HS3ST2: variants seen among roughly 807,000 people sequenced by gnomAD.
HS3ST2 encodes the protein heparan sulfate glucosamine 3-O-sulfotransferase 2.
Under a neutral mutation model 26.3 loss-of-function variants are expected in HS3ST2, and 17 were observed. The observed-to-expected ratio is 0.65, with a 90% CI of 0.44 to 0.97. The LOEUF (loss-of-function observed/expected upper bound fraction) is 0.97, where lower values mean the gene tolerates loss of function less well. Among genes scored for constraint, HS3ST2 ranks in the 50% least tolerant of loss-of-function variants. HS3ST2 has a pLI of 0.00. For missense variants in HS3ST2, 402 were observed against 501.2 expected, an observed-to-expected ratio of 0.80 and a Z score of 1.89; for synonymous variants, 237 against 219.2, an observed-to-expected ratio of 1.08 and a Z score of -0.72.
At chr16:22,851,423 A>AGAGCCAATAAT (rs1474162540) in intron 1 of HS3ST2, among the ~76,000 whole-genome samples, 2 of 152,370 alleles carry the variant, frequency 1.3e-5, no homozygotes, top group South Asian at 2.1e-4. Context: ...TCAAAATCAA[A>AGAGCCAATAAT]GAGCCAATAA....
intron 1 of HS3ST2, among the ~76,000 whole-genome samples, chr16:22,885,007 A>AT (rs1902041810): frequency 6.6e-6 from 1 of 151,532 alleles, no homozygotes; most frequent in Non-Finnish European, 1.5e-5. Flanking sequence ...CGCCCAGCTA[A>AT]TTTTTTTATT....
chr16:22,827,395 T>TA (rs1269906727), intron 1 of HS3ST2, among the ~76,000 whole-genome samples: 7 of 152,196 alleles, frequency 4.6e-5, no homozygotes, highest in Non-Finnish European at 8.8e-5. Flanking sequence ...TGATCTGACT[T>TA]ACACTCTACA....
intron 1 of HS3ST2, among the ~76,000 whole-genome samples, chr16:22,826,239 C>T (rs752109925): frequency 1.3e-5 from 2 of 152,048 alleles, no homozygotes; most frequent in Non-Finnish European, 2.9e-5. Flanking sequence ...AGAGGAGGGG[C>T]CCCCACCCAG....
chr16:22,863,528 T>C (rs1271785674), intron 1 of HS3ST2, among the ~76,000 whole-genome samples: 1 of 152,250 alleles, frequency 6.6e-6, no homozygotes, highest in African/African-American at 2.4e-5. Flanking sequence ...AATGATTCCG[T>C]CACCCAGAGA....
chr16:22,839,236 G>C (rs569795146), intron 1 of HS3ST2, among the ~76,000 whole-genome samples: 1 of 152,204 alleles, frequency 6.6e-6, no homozygotes, highest in Non-Finnish European at 1.5e-5. Context: ...CACCAGACGG[G>C]ATGGGGCAGG....
intron 1 of HS3ST2, among the ~76,000 whole-genome samples, chr16:22,844,039 A>G (rs867992697): frequency 2.7e-5 from 4 of 146,854 alleles, no homozygotes; most frequent in South Asian, 2.1e-4. Flanking sequence ...ACACACACGC[A>G]CACACACACA....
chr16:22,904,309 T>C (rs929199804), intron 1 of HS3ST2, among the ~76,000 whole-genome samples: 3 of 152,162 alleles, frequency 2.0e-5, no homozygotes, highest in African/African-American at 7.2e-5. Flanking sequence ...ATACAGTAGG[T>C]GCTCAATAAA....
intron 1 of HS3ST2, among the ~76,000 whole-genome samples, chr16:22,843,683 G>A (rs1046707636): frequency 2.0e-5 from 3 of 152,326 alleles, no homozygotes; most frequent in East Asian, 1.9e-4. Flanking sequence ...ACCCCAGCTC[G>A]TGGATGAGCT....
chr16:22,903,126 A>C (rs992430959), intron 1 of HS3ST2, among the ~76,000 whole-genome samples: 1 of 152,034 alleles, frequency 6.6e-6, no homozygotes, highest in Non-Finnish European at 1.5e-5. Context: ...GGCTGTCCTC[A>C]TGCCAAGATT....
rs1232429442 is a variant in HS3ST2, at chr16:22,915,620, G to C, written c.*58G>C. ...TCTGCTCATCTCTTCCGTGAGATTT[G>C]CTCCCAGACCCTCTGATCTCCCTCC... is the stretch of plus-strand genomic sequence containing the variant. On this transcript the variant is annotated 3_prime_UTR_variant, in exon 2 of 2. Coordinates refer to ENST00000261374, the MANE Select transcript of HS3ST2 (RefSeq NM_006043.2). 3.2e-6 allele frequency: 5 copies of C among 1,542,052 alleles called. No individual in the cohort carries two copies. The highest frequency in any genetic ancestry group is 1.4e-5 in the African/African-American group (1 of 72,448).
In HS3ST2 at chr16:22,880,707, G is replaced by A. The variant is rs1021688696; in HGVS notation, c.486-34237G>A. On this transcript the variant is annotated intron_variant, in intron 1 of 1. Transcript: ENST00000261374. Reference sequence around the variant, plus strand: ...TCAGGGAACTCCATGCCTCCTGCCTGCTGGGATTTCTTCAGGAATGGCATG... The same window carrying A: ...TCAGGGAACTCCATGCCTCCTGCCTACTGGGATTTCTTCAGGAATGGCATG... Among the ~76,000 whole-genome samples, 10 of 152,120 alleles carry A rather than the reference G, an allele frequency of 6.6e-5. No homozygotes were observed. In the East Asian group the frequency reaches 1.9e-3, roughly 29 times the overall value.
chr16:22,874,337 C>T (rs1216421862), intron 1 of HS3ST2, among the ~76,000 whole-genome samples: 1 of 152,186 alleles, frequency 6.6e-6, no homozygotes, highest in African/African-American at 2.4e-5. Context: ...ACTTATTTTA[C>T]AGGAGATAAG....
In HS3ST2 at chr16:22,825,322, G is replaced by C. The variant is rs115119033; in HGVS notation, c.485+10227G>C. 6.6e-3 allele frequency among the ~76,000 whole-genome samples: 1,006 copies of C among 152,304 alleles called. 10 individuals carry two copies. Among genetic ancestry groups the C allele is most frequent in the African/African-American group, 0.022 (935 of 41,562 alleles). On this transcript the variant is annotated intron_variant, in intron 1 of 1. Transcript: ENST00000261374. ...GGCGCATGAGAGGTATTAAAAGCCT[G>C]TTAGTTGTCATTATTGGCCATTGAT...
intron 1 of HS3ST2, among the ~76,000 whole-genome samples, chr16:22,849,621 C>G (rs1465457696): frequency 6.6e-6 from 1 of 152,158 alleles, no homozygotes; most frequent in Non-Finnish European, 1.5e-5. Context: ...GACACTTCAT[C>G]TCAACATAGG....
chr16:22,824,696 G>A (rs1901057315), intron 1 of HS3ST2, among the ~76,000 whole-genome samples: 1 of 152,190 alleles, frequency 6.6e-6, no homozygotes, highest in South Asian at 2.1e-4. Flanking sequence ...GCTTTTAACT[G>A]TGTAAAAGAA....
chr16:22,871,601 CA>C (rs1482866180), intron 1 of HS3ST2, among the ~76,000 whole-genome samples: 1 of 152,152 alleles, frequency 6.6e-6, no homozygotes, highest in African/African-American at 2.4e-5. Context: ...TCTGTATCCC[CA>C]CAAAAACACA....
chr16:22,881,954 T>C (rs779137426), intron 1 of HS3ST2, among the ~76,000 whole-genome samples: 9 of 152,012 alleles, frequency 5.9e-5, no homozygotes, highest in Non-Finnish European at 7.3e-5. Context: ...TTGGCTCTTA[T>C]CATGTTTGTT....
intron 1 of HS3ST2, among the ~76,000 whole-genome samples, chr16:22,868,154 T>C (rs544197262): frequency 6.6e-6 from 1 of 152,244 alleles, no homozygotes; most frequent in South Asian, 2.1e-4. Context: ...ACACCTGTAA[T>C]CCCAGCACTT....
At chr16:22,888,095 C>G (rs1902085607) in intron 1 of HS3ST2, among the ~76,000 whole-genome samples, 1 of 152,242 alleles carries the variant, frequency 6.6e-6, no homozygotes, top group Non-Finnish European at 1.5e-5. Context: ...ACAGTGGTAA[C>G]TGGCTTAACA....
Sources: gnomAD v4.1 joint callset for allele counts (sites outside exome capture counted in the v4.1 genomes callset) on GRCh38, gnomAD v4.1.1 for gene constraint, MANE v1.5 for transcripts, NCBI Gene and HGNC (gene_info 2026-07-23, HGNC 2026-07-21) for gene names.